Variants in FANCA observed in about 807,000 individuals in gnomAD.
FANCA encodes the protein FA complementation group A.
Under a neutral mutation model 194.3 loss-of-function variants are expected in FANCA, and 236 were observed. The ratio of observed to expected loss-of-function variants is 1.21; its 90% CI spans 1.09 to 1.35. FANCA has a LOEUF of 1.35. Among genes scored for constraint, FANCA ranks in the 40% most tolerant of loss-of-function variants. The pLI is 0.00. For synonymous variants in FANCA, 1,014 were observed against 715.8 expected, an observed-to-expected ratio of 1.42 and a Z score of -6.65; for missense variants, 2,628 against 1,813.9, an observed-to-expected ratio of 1.45 and a Z score of -8.15.
intron 31 of FANCA, among the ~76,000 whole-genome samples, chr16:89,751,161 G>A (rs12599002): frequency 0.06 from 9,061 of 152,194 alleles, 418 homozygotes; most frequent in East Asian, 0.22. Context: ...CCAAAGTGCT[G>A]GGATTACAGG....
chr16:89,800,111 G>T (rs1239600429), intron 8 of FANCA, among the ~76,000 whole-genome samples: 2 of 152,260 alleles, frequency 1.3e-5, no homozygotes, highest in African/African-American at 2.4e-5. Flanking sequence ...GAACTTTCTG[G>T]AATTACCCTA....
At position 89,746,815 on chromosome 16, in the gene FANCA, T is replaced by G; in HGVS notation, c.3408+16A>C. The stretch of plus-strand genomic sequence containing the variant: ...GTTCTGAGAAGGCCACGAGAGGGGC[T>G]GAGGGAGCATCTCACCCTGAAGAAG... On this transcript the variant is annotated intron_variant, in intron 34 of 42. Coordinates refer to ENST00000389301, the MANE Select transcript of FANCA (RefSeq NM_000135.4). 1 of 1,569,270 alleles carries G rather than the reference T, an allele frequency of 6.4e-7. No homozygotes were observed. The highest frequency in any genetic ancestry group is 8.6e-7 in the Non-Finnish European group (1 of 1,156,094).
intron 20 of FANCA, among the ~76,000 whole-genome samples, chr16:89,777,471 AT>A (rs968193104): frequency 8.5e-5 from 13 of 152,228 alleles, no homozygotes; most frequent in African/African-American, 2.9e-4. Context: ...CACGCTTGTA[AT>A]CCCAGCACTT....
chr16:89,806,687 A>G (rs2040660590), intron 6 of FANCA, among the ~76,000 whole-genome samples: 1 of 152,180 alleles, frequency 6.6e-6, no homozygotes, highest in South Asian at 2.1e-4. Flanking sequence ...GATCAACAGG[A>G]TCCCAAGGCA....
chr16:89,768,304 T>C (rs2039199470), intron 26 of FANCA, among the ~76,000 whole-genome samples: 1 of 152,226 alleles, frequency 6.6e-6, no homozygotes, highest in African/African-American at 2.4e-5. Flanking sequence ...CAGAATGAGA[T>C]TCCATGAGGC....
Position 89,782,767 on chromosome 16 carries a change from G to A in FANCA, c.1626+92C>T, listed in dbSNP as rs1446605128. 5 of 1,155,144 alleles carry A rather than the reference G, an allele frequency of 4.3e-6. No homozygotes were observed. The East Asian group carries it at 1.2e-4, about 28-fold the overall frequency. 71.6% of individuals were successfully genotyped at this position (1,155,144 alleles called of 1,614,324 possible). ...CAAGACCAGACATGAGACTGGGAAG[G>A]CTGAAAAACTCAACTCAAGAGTCAA... On this transcript the variant is annotated intron_variant, in intron 17 of 42. Coordinates refer to ENST00000389301, the MANE Select transcript of FANCA (RefSeq NM_000135.4).
Position 89,811,050 on chromosome 16 carries a change from G to A in FANCA, c.305C>T (p.Ala102Val), listed in dbSNP as rs1195211939. Residue 102 changes from alanine (A) to valine (V), a missense_variant, in exon 4 of 43, where the codon GCC (alanine) becomes GTC (valine). Physicochemically the swap from Ala to Val is moderately conservative, Grantham distance 64 (BLOSUM62 0). Transcript: ENST00000389301. ...ACCCACGGGAACCCCCAGCCTTGAG[G>A]CTTGATCCTGCAAAGCAGAGCCTTA... ...SFIGSALQDQASRLGVPVGIL... is the reference protein window; with the variant it reads ...SFIGSALQDQVSRLGVPVGIL... 2 of 1,613,984 alleles carry A rather than the reference G, an allele frequency of 1.2e-6. No individual in the cohort carries two copies. Among genetic ancestry groups the A allele is most frequent in the South Asian group, 1.1e-5 (1 of 91,086 alleles).
chr16:89,761,893 G>A, intron 29 of FANCA, 56 bp downstream of exon 29: 1 of 1,413,558 alleles, frequency 7.1e-7, no homozygotes, highest in South Asian at 1.1e-5. Flanking sequence ...CCAAAGTGCT[G>A]GGATTATAGG....
chr16:89,815,873 T>C lies in FANCA; in HGVS notation c.189+4A>G, dbSNP rs374822922. On this transcript the variant is annotated splice_donor_region_variant and intron_variant, in intron 2 of 42. Coordinates refer to ENST00000389301, the MANE Select transcript of FANCA (RefSeq NM_000135.4). ...CCCGCAGACGGACACCAGCTTCCTC[T>C]TACCTCAAGCAAAAGGGCATTCAGG... 14 of 1,608,286 alleles carry C rather than the reference T, an allele frequency of 8.7e-6. No homozygotes were observed. In the East Asian group the frequency reaches 2.9e-4, roughly 33 times the overall value.
In FANCA at chr16:89,771,739, A is replaced by G. The variant is rs777863668; in HGVS notation, c.2090T>C (p.Val697Ala). The change falls in exon 23 of 43, where the codon GTT becomes GCT. Residue 697 changes from valine (V) to alanine (A), a missense_variant. Coordinates refer to ENST00000389301, the MANE Select transcript of FANCA (RefSeq NM_000135.4). ...GCTGAGCTGAATCTTTGATATCTCA[A>G]CGCTGCTGTCATCCTCATTGTGGCC... ...VLGHNEDDSSVEISKIQLSIN... is the reference protein window; with the variant it reads ...VLGHNEDDSSAEISKIQLSIN... 19 of 1,614,068 alleles carry G rather than the reference A, an allele frequency of 1.2e-5. No homozygotes were observed. The South Asian group carries it at 2.0e-4, about 17-fold the overall frequency.
intron 37 of FANCA, 144 bp downstream of exon 37, chr16:89,742,653 CAAA>C (rs749345470): frequency 0.011 from 3,260 of 306,198 alleles, no homozygotes; most frequent in East Asian, 0.019. Flanking sequence ...ACTAAAAATA[CAAA>C]AAAAAAAAAA....
chr16:89,766,286 C>G (rs2039125473), intron 27 of FANCA, among the ~76,000 whole-genome samples: 3 of 152,032 alleles, frequency 2.0e-5, no homozygotes, highest in African/African-American at 7.2e-5. Flanking sequence ...TGAGCCACCA[C>G]GCCCAGCCTG....
Position 89,778,627 on chromosome 16 carries a change from TA to T in FANCA, c.1826+173del, listed in dbSNP as rs397693835. Among the ~76,000 whole-genome samples the T allele has an allele frequency of 0.085, 2,530 of 29,686 alleles. 14 individuals are homozygous for T. Among genetic ancestry groups the T allele is most frequent in the Non-Finnish European group, 0.11 (1,872 of 17,188 alleles). 19.5% of individuals were successfully genotyped at this position (29,686 alleles called of 152,430 possible). On this transcript the variant is annotated intron_variant, in intron 20 of 42. Coordinates refer to ENST00000389301, the MANE Select transcript of FANCA (RefSeq NM_000135.4). ...CTGGGTGACAGAGTGAGACTCCAAC[TA>T]AAAAAAAAAAAAAAAAAAAAAAAAA... is the stretch of plus-strand genomic sequence containing the variant.
Position 89,796,311 on chromosome 16 carries a change from G to A in FANCA, c.894-293C>T, listed in dbSNP as rs73266600. Among the ~76,000 whole-genome samples, 1,518 of 152,162 alleles carry A rather than the reference G, an allele frequency of 1.0e-2. 28 individuals are homozygous for A. Among genetic ancestry groups the A allele is most frequent in the African/African-American group, 0.035 (1,462 of 41,524 alleles). The stretch of plus-strand genomic sequence containing the variant: ...CCCGGGAGTGGAGCAGAAGGAAACA[G>A]GTTGGGAAGGGCAGGCCGCGCCGCA... On this transcript the variant is annotated intron_variant, in intron 10 of 42. Coordinates refer to ENST00000389301, the MANE Select transcript of FANCA (RefSeq NM_000135.4).
intron 16 of FANCA, 26 bp from the exon 17 acceptor site, chr16:89,782,944 C>A (rs763806581): frequency 1.2e-6 from 2 of 1,613,410 alleles, no homozygotes; most frequent in Non-Finnish European, 1.7e-6. Context: ...AGAATGAGAA[C>A]AAGAAAACAA....
At chr16:89,780,764 G>A (rs575774281) in intron 17 of FANCA, among the ~76,000 whole-genome samples, 2 of 152,016 alleles carry the variant, frequency 1.3e-5, no homozygotes, top group South Asian at 4.1e-4. Context: ...CCCTATGTCT[G>A]CAAAAAATTT....
intron 32 of FANCA, among the ~76,000 whole-genome samples, chr16:89,749,168 T>G (rs1381232939): frequency 6.6e-6 from 1 of 152,194 alleles, no homozygotes; most frequent in East Asian, 1.9e-4. Context: ...TTCCCTACTT[T>G]CACAAGAGCT....
At chr16:89,753,205 ACATGTGACC>A (rs2038656970) in intron 30 of FANCA, among the ~76,000 whole-genome samples, 1 of 152,280 alleles carries the variant, frequency 6.6e-6, no homozygotes, top group Admixed American at 6.5e-5. Flanking sequence ...TGTCCAGTGG[ACATGTGACC>A]CACGTGACCT....
intron 28 of FANCA, chr16:89,762,839 ATGCCTGTAATCCCAGCACTTTGGGAGGC>A: frequency 2.3e-6 from 1 of 427,868 alleles, no homozygotes; most frequent in Non-Finnish European, 4.7e-6. Flanking sequence ...ACGGTGGCTC[ATGCCTGTAATCCCAGCACTTTGGGAGGC>A]CGAGGCAGGC....
Sources: gnomAD v4.1 joint callset for allele counts (sites outside exome capture counted in the v4.1 genomes callset) on GRCh38, gnomAD v4.1.1 for gene constraint, MANE v1.5 for transcripts, NCBI Gene and HGNC (gene_info 2026-07-23, HGNC 2026-07-21) for gene names.